INVS: variants seen among roughly 807,000 people sequenced by gnomAD.
INVS encodes inversion of embryo turning homolog.
Under a neutral mutation model 108.8 loss-of-function variants are expected in INVS, and 86 were observed. The ratio of observed to expected loss-of-function variants is 0.79; its 90% CI spans 0.66 to 0.95. The LOEUF is 0.95. Ranked by LOEUF, INVS falls within the 40% of genes least tolerant of loss-of-function variation. The pLI is 0.00. For missense variants in INVS, 1,169 were observed against 1,297.4 expected (o/e 0.90, Z 1.52); for synonymous variants, 455 against 473.5 (o/e 0.96, Z 0.51).
intron 12 of INVS, among the ~76,000 whole-genome samples, chr9:100,279,843 G>C (rs1215180789): frequency 1.3e-5 from 2 of 152,110 alleles, no homozygotes; most frequent in Non-Finnish European, 2.9e-5. Flanking sequence ...TAATTTCTTC[G>C]TGTCAAAAGT....
chr9:100,126,682 A>G (rs1181460545), intron 3 of INVS, 133 bp downstream of exon 3: 1 of 890,026 alleles, frequency 1.1e-6, no homozygotes, highest in African/African-American at 1.6e-5. Context: ...ATTTTCTCTA[A>G]AAGCTGTCTT....
At chr9:100,119,609 T>C (rs1187797806) in intron 2 of INVS, among the ~76,000 whole-genome samples, 1 of 152,190 alleles carries the variant, frequency 6.6e-6, no homozygotes, top group Non-Finnish European at 1.5e-5. Context: ...CAGGCTCGAG[T>C]GCAGTGGTGC....
At chr9:100,129,597 T>C (rs1827995046) in intron 3 of INVS, 6 of 562,882 alleles carry the variant, frequency 1.1e-5, no homozygotes, top group Middle Eastern at 3.1e-4. Context: ...ATTCTGGCCA[T>C]AATGGCTTAT....
chr9:100,277,716 C>G (rs776410974), intron 12 of INVS, among the ~76,000 whole-genome samples: 21 of 152,142 alleles, frequency 1.4e-4, no homozygotes, highest in Admixed American at 2.6e-4. Flanking sequence ...TCCTAAGACA[C>G]ACGACATTTT....
intron 7 of INVS, among the ~76,000 whole-genome samples, chr9:100,243,428 G>C (rs921443224): frequency 6.6e-6 from 1 of 152,152 alleles, no homozygotes; most frequent in African/African-American, 2.4e-5. Context: ...AATAGAATGT[G>C]CTCTCATTAC....
intron 3 of INVS, among the ~76,000 whole-genome samples, chr9:100,147,234 C>A (rs752695056): frequency 3.3e-5 from 5 of 152,140 alleles, no homozygotes; most frequent in Non-Finnish European, 5.9e-5. Context: ...CATACTCAGT[C>A]TTCTGTAAAA....
intron 5 of INVS, among the ~76,000 whole-genome samples, chr9:100,234,671 G>A (rs907632040): frequency 9.2e-5 from 14 of 152,234 alleles, no homozygotes; most frequent in East Asian, 7.7e-4. Flanking sequence ...GTAGTTGTGC[G>A]GTTTTGAGTG....
chr9:100,234,034 G>T (rs1831600504), intron 5 of INVS, among the ~76,000 whole-genome samples: 1 of 152,146 alleles, frequency 6.6e-6, no homozygotes, highest in Non-Finnish European at 1.5e-5. Context: ...ATTAATTACT[G>T]CCTCAATTTC....
At chr9:100,114,346 C>T (rs2118851828) in intron 2 of INVS, among the ~76,000 whole-genome samples, 1 of 149,780 alleles carries the variant, frequency 6.7e-6, no homozygotes, top group East Asian at 2.0e-4. Flanking sequence ...CAATCCTATG[C>T]CAATGTGTCA....
chr9:100,260,186 C>CTTTT (rs372496395), intron 10 of INVS, among the ~76,000 whole-genome samples: 36 of 101,492 alleles, frequency 3.5e-4, no homozygotes, highest in Non-Finnish European at 5.0e-4. Flanking sequence ...ATTTTCTTTT[C>CTTTT]TTTTTTTTTT....
chr9:100,236,498 T>C lies in INVS; in HGVS notation c.616-3562T>C, dbSNP rs532057630. ...TTTCCCTCATCTTCATGGATTTATC[T>C]ACCTTTGATCTTTGATGCTGATGAC... On this transcript the variant is annotated intron_variant, in intron 5 of 16. Coordinates refer to ENST00000262457, the MANE Select transcript of INVS (RefSeq NM_014425.5). Among the ~76,000 whole-genome samples the C allele has an allele frequency of 1.7e-3, 259 of 152,368 alleles. 1 individual carries two copies. Among genetic ancestry groups the C allele is most frequent in the Non-Finnish European group, 1.6e-3 (109 of 68,032 alleles).
intron 8 of INVS, among the ~76,000 whole-genome samples, chr9:100,250,093 A>C (rs967466337): frequency 6.6e-6 from 1 of 152,160 alleles, no homozygotes; most frequent in Non-Finnish European, 1.5e-5. Context: ...TGACAGAGTG[A>C]GACTCCATCT....
chr9:100,293,357 C>A (rs1389952339), intron 14 of INVS, among the ~76,000 whole-genome samples: 1 of 152,166 alleles, frequency 6.6e-6, no homozygotes, highest in Non-Finnish European at 1.5e-5. Context: ...TTGGGCAAAT[C>A]ACATGGCCCC....
At chr9:100,122,225 C>G (rs1294396981) in intron 2 of INVS, among the ~76,000 whole-genome samples, 1 of 152,132 alleles carries the variant, frequency 6.6e-6, no homozygotes, top group African/African-American at 2.4e-5. Context: ...TGTGTCCTTG[C>G]TGATTTTCAT....
chr9:100,117,016 C>T (rs950435710), intron 2 of INVS: 15 of 1,462,390 alleles, frequency 1.0e-5, no homozygotes, highest in African/African-American at 1.4e-5. Context: ...GCACAGGCGC[C>T]GAGACAATGC....
intron 14 of INVS, among the ~76,000 whole-genome samples, chr9:100,294,027 G>A (rs149370196): frequency 1.4e-4 from 22 of 152,276 alleles, no homozygotes; most frequent in Non-Finnish European, 2.5e-4. Context: ...AATTACCTAC[G>A]CATGGTGGCA....
chr9:100,101,000 A>G (rs1231100778), intron 1 of INVS, among the ~76,000 whole-genome samples: 1 of 84,966 alleles, frequency 1.2e-5, no homozygotes, highest in East Asian at 2.5e-4. Context: ...ATGTATATAT[A>G]ATATATATAT....
At chr9:100,104,319 C>T (rs960314764) in intron 1 of INVS, among the ~76,000 whole-genome samples, 179 bp from the exon 2 acceptor site, 3 of 152,176 alleles carry the variant, frequency 2.0e-5, no homozygotes, top group Non-Finnish European at 4.4e-5. Context: ...CCTGCGTTGG[C>T]CTTCCAAACT....
Position 100,260,012 on chromosome 9 carries a change from C to T in INVS, c.1465-4810C>T, listed in dbSNP as rs577134755. On this transcript the variant is annotated intron_variant, in intron 10 of 16. Transcript: ENST00000262457. ...TCAGCCTCCTGAGTAGCTGGGATTA[C>T]AGGCGCACACCACCATGCCCAGCTA... Among the ~76,000 whole-genome samples the T allele has an allele frequency of 2.0e-5, 3 of 151,482 alleles. No homozygotes were observed. The South Asian group carries it at 6.3e-4, about 32-fold the overall frequency.
Sources: gnomAD v4.1 joint callset for allele counts (sites outside exome capture counted in the v4.1 genomes callset) on GRCh38, gnomAD v4.1.1 for gene constraint, MANE v1.5 for transcripts, NCBI Gene and HGNC (gene_info 2026-07-23, HGNC 2026-07-21) for gene names.